The following ZNF567 variants were observed in gnomAD, a reference collection of about 807,000 sequenced individuals.
ZNF567 encodes the protein zinc finger protein 567.
In ZNF567, 36 loss-of-function variants were observed where a neutral mutation model predicts 53.9. The ratio of observed to expected loss-of-function variants is 0.67; its 90% confidence interval spans 0.51 to 0.88. ZNF567 has a LOEUF of 0.88. Ranked by LOEUF, ZNF567 falls within the 40% of genes least tolerant of loss-of-function variation. The pLI is 0.00. For missense variants in ZNF567, 619 were observed against 764.7 expected (o/e 0.81, Z 2.25); for synonymous variants, 224 against 260.4 (o/e 0.86, Z 1.35).
At position 36,719,315 on chromosome 19, in the gene ZNF567, T is replaced by C. The variant is rs1412429622; in HGVS notation, c.591T>C (p.Leu197=). Residue 197 remains leucine, a synonymous_variant, in exon 6 of 6, where the codon CTT becomes CTC. Transcript: ENST00000682579. ...SARAFSHNEV[L]MQYQKTETPA... Reference sequence around the variant, plus strand: ...GAGCTTTCAGTCATAATGAAGTTCTTATGCAGTATCAGAAAACGGAAACTC... The same window carrying C: ...GAGCTTTCAGTCATAATGAAGTTCTCATGCAGTATCAGAAAACGGAAACTC... The C allele has an allele frequency of 6.2e-7, 1 of 1,613,084 alleles. No individual in the cohort carries two copies. The highest frequency in any genetic ancestry group is 2.2e-5 in the East Asian group (1 of 44,846).
intron 4 of ZNF567, 112 bp downstream of exon 4, chr19:36,712,624 C>T: frequency 6.7e-7 from 1 of 1,482,822 alleles, no homozygotes; most frequent in South Asian, 1.2e-5. Context: ...TTTTCGTTAG[C>T]AGAATGAATG....
In ZNF567 at chr19:36,717,166, A is replaced by G. The variant is rs543679925; in HGVS notation, c.224-1782A>G. The stretch of plus-strand genomic sequence containing the variant: ...GATCACCAATAAAGTATTTATTTCT[A>G]TGAAGAAGGATCACTATCGAGTCTG... On this transcript the variant is annotated intron_variant, in intron 5 of 5. Coordinates refer to ENST00000682579, the MANE Select transcript of ZNF567 (RefSeq NM_001322917.1). Among the ~76,000 whole-genome samples, 16 of 152,264 alleles carry G rather than the reference A, an allele frequency of 1.1e-4. No homozygotes were observed. The South Asian group carries it at 3.3e-3, about 32-fold the overall frequency.
At chr19:36,722,718 G>A (rs3108579), downstream of ZNF567, among the ~76,000 whole-genome samples, 102,645 of 152,142 alleles carry the variant, frequency 0.67, 34,986 homozygotes, top group East Asian at 0.82. Flanking sequence ...GCCTGTTAGA[G>A]AGGGACAGCC....
At chr19:36,676,353 A>G in the ZNF567 span, among the ~76,000 whole-genome samples, 23 of 144,844 alleles carry the variant, frequency 1.6e-4, no homozygotes, top group Middle Eastern at 3.6e-3. Context: ...GGTGTGAGCC[A>G]CTGCACCCAA....
chr19:36,715,079 C>CTA (rs1203502580), intron 5 of ZNF567, among the ~76,000 whole-genome samples: 16 of 152,286 alleles, frequency 1.1e-4, no homozygotes, highest in African/African-American at 3.9e-4. Context: ...TACAGTCTAT[C>CTA]ATCTCACCTA....
chr19:36,687,805 C>G (rs967112066), intron 1 of ZNF567, 171 bp downstream of exon 1: 7 of 152,674 alleles, frequency 4.6e-5, no homozygotes, highest in African/African-American at 1.7e-4. Context: ...TCAGAGAAGG[C>G]TGGGAGGGAA....
In ZNF567 at chr19:36,719,865, T is replaced by A. The variant is rs1600585457; in HGVS notation, c.1141T>A (p.Ser381Thr). 6.2e-7 allele frequency: 1 copy of A among 1,609,130 alleles called. No homozygotes were observed. Among genetic ancestry groups the A allele is most frequent in the Non-Finnish European group, 8.5e-7 (1 of 1,178,262 alleles). Residue 381 changes from serine to threonine, a missense_variant, in exon 6 of 6, where the codon TCT (serine) becomes ACT (threonine). Transcript: ENST00000682579. ...GTCCTTCCGCCAGAAGACAACACTCTCTCTACATCAGAGAATCCATACAGG... is the reference window on the plus strand; with the variant it reads ...GTCCTTCCGCCAGAAGACAACACTCACTCTACATCAGAGAATCCATACAGG... Reference protein sequence around the residue: ...GKSFRQKTTLSLHQRIHTGEK... With the variant: ...GKSFRQKTTLTLHQRIHTGEK...
the ZNF567 span, chr19:36,669,392 G>A: frequency 6.6e-6 from 1 of 152,154 alleles, no homozygotes; most frequent in Admixed American, 6.6e-5. Flanking sequence ...ATTAAAATCC[G>A]AATGAAAGAT....
At chr19:36,708,559 A>C (rs2039615686) in intron 3 of ZNF567, among the ~76,000 whole-genome samples, 2 of 152,190 alleles carry the variant, frequency 1.3e-5, no homozygotes, top group South Asian at 4.1e-4. Context: ...ATAATGGCAC[A>C]TATTCACCAT....
Position 36,704,704 on chromosome 19 carries a change from A to G in ZNF567, c.10-7682A>G, listed in dbSNP as rs140627785. 6.4e-3 allele frequency among the ~76,000 whole-genome samples: 977 copies of G among 152,240 alleles called. 6 individuals are homozygous for G. Among genetic ancestry groups the G allele is most frequent in the Middle Eastern group, 0.02 (6 of 294 alleles). On this transcript the variant is annotated intron_variant, in intron 3 of 5. Coordinates refer to ENST00000682579, the MANE Select transcript of ZNF567 (RefSeq NM_001322917.1). The stretch of plus-strand genomic sequence containing the variant: ...AGTTTTTCTGTTTGATGTCAGGGTA[A>G]TGCTATCTCATAAATGAATTGGGTT...
the ZNF567 span, among the ~76,000 whole-genome samples, chr19:36,680,170 T>C: frequency 6.6e-6 from 1 of 152,170 alleles, no homozygotes; most frequent in African/African-American, 2.4e-5. Context: ...TGTACAAATA[T>C]ATACAATTAT....
downstream of ZNF567, chr19:36,727,238 A>C (rs2040339482): frequency 6.7e-6 from 1 of 149,594 alleles, no homozygotes. Context: ...CACCCGGCTA[A>C]TTTTGTATTT....
chr19:36,726,330 G>T (rs1017517074), downstream of ZNF567, among the ~76,000 whole-genome samples: 6 of 152,044 alleles, frequency 3.9e-5, no homozygotes. Flanking sequence ...AATTTCCATT[G>T]AAATGTGCAA....
chr19:36,695,866 G>T (rs1364440500), intron 3 of ZNF567, among the ~76,000 whole-genome samples: 1 of 152,110 alleles, frequency 6.6e-6, no homozygotes, highest in African/African-American at 2.4e-5. Flanking sequence ...TGCATCCACA[G>T]ACTGGAGTCA....
At position 36,709,738 on chromosome 19, in the gene ZNF567, A is replaced by T. The variant is rs555144807; in HGVS notation, c.10-2648A>T. On this transcript the variant is annotated intron_variant, in intron 3 of 5. Transcript: ENST00000682579. ...CTCAGCCCTCCAAAGTGCCCAGATT[A>T]CAAAAGTAAGCCACCACACCCAGCC... Among the ~76,000 whole-genome samples, 9 of 152,316 alleles carry T rather than the reference A, an allele frequency of 5.9e-5. No homozygotes were observed. The East Asian group carries it at 1.3e-3, about 23-fold the overall frequency.
the ZNF567 span, among the ~76,000 whole-genome samples, chr19:36,679,601 T>C: frequency 2.0e-3 from 304 of 152,328 alleles, no homozygotes; most frequent in African/African-American, 6.9e-3. Context: ...AATGGATGAA[T>C]GGATTTTTTA....
intron 5 of ZNF567, among the ~76,000 whole-genome samples, chr19:36,715,764 G>C (rs2040037136): frequency 6.6e-6 from 1 of 151,466 alleles, no homozygotes; most frequent in South Asian, 2.1e-4. Flanking sequence ...CCTGACCTCA[G>C]GCAATCTGCC....
upstream of ZNF567, chr19:36,685,746 T>C (rs916155052): frequency 7.2e-5 from 11 of 152,254 alleles, no homozygotes; most frequent in African/African-American, 2.4e-4. Context: ...CAGTTATTTA[T>C]TGCTATATAA....
At position 36,712,822 on chromosome 19, in the gene ZNF567, CGAG is replaced by C. The variant is rs765948953; in HGVS notation, c.182_184del (p.Gly61del). 247 of 1,613,872 alleles carry C rather than the reference CGAG, an allele frequency of 1.5e-4. No homozygotes were observed. The highest frequency in any genetic ancestry group is 2.0e-4 in the Non-Finnish European group (238 of 1,179,992). ...ACCTGATGTGATCCTCAAGTTGGAA[CGAG>C]GAGAAGAGCCATGGACATCATTTGC... On this transcript the variant is annotated inframe_deletion, in exon 5 of 6. Coordinates refer to ENST00000682579, the MANE Select transcript of ZNF567 (RefSeq NM_001322917.1).
Sources: allele counts gnomAD v4.1 joint callset (sites outside exome capture counted in the v4.1 genomes callset), GRCh38; gene constraint gnomAD v4.1.1; transcripts MANE v1.5; gene names NCBI Gene and HGNC (gene_info 2026-07-23, HGNC 2026-07-21).